AQR: variants seen among roughly 807,000 people sequenced by gnomAD.
The protein encoded by AQR is RNA helicase aquarius.
In AQR, 61 loss-of-function variants were observed where a neutral mutation model predicts 180.5. That is an observed-to-expected ratio of 0.34 (90% CI 0.28 to 0.42). The LOEUF (loss-of-function observed/expected upper bound fraction) is 0.42. AQR is among the 10% of genes least tolerant of loss of function. The probability of loss-of-function intolerance (pLI) is 1.00; values close to 1 mark genes in which losing one functional copy is unlikely to be tolerated. For synonymous variants in AQR, 551 were observed against 588.8 expected, an observed-to-expected ratio of 0.94 and a Z score of 0.93; for missense variants, 1,281 against 1,798.3, an observed-to-expected ratio of 0.71 and a Z score of 5.20.
chr15:34,906,788 C>T, intron 17 of AQR, 76 bp from the exon 18 acceptor site: 2 of 1,393,486 alleles, frequency 1.4e-6, no homozygotes, highest in South Asian at 1.4e-5. Context: ...TTCTTATTTG[C>T]CTCTCTACCT....
chr15:34,939,226 G>A (rs1366136284), intron 8 of AQR, among the ~76,000 whole-genome samples: 1 of 152,050 alleles, frequency 6.6e-6, no homozygotes, highest in Non-Finnish European at 1.5e-5. Context: ...CTGCCACCAT[G>A]CCTGGCTAAT....
chr15:34,937,075 T>A (rs1394844485), intron 9 of AQR, among the ~76,000 whole-genome samples: 1 of 152,132 alleles, frequency 6.6e-6, no homozygotes, highest in African/African-American at 2.4e-5. Context: ...TTTTGTTCTG[T>A]CACCCAGGCT....
At chr15:34,947,247 C>T (rs1179198259) in intron 5 of AQR, among the ~76,000 whole-genome samples, 1 of 151,704 alleles carries the variant, frequency 6.6e-6, no homozygotes, top group Admixed American at 6.6e-5. Context: ...GTGCTGTATC[C>T]ACTCAGGGTT....
At chr15:34,943,114 G>T (rs1894052184) in intron 6 of AQR, 1 of 1,611,724 alleles carries the variant, frequency 6.2e-7, no homozygotes, top group African/African-American at 1.3e-5. Context: ...CGGACTTTCT[G>T]TAAGAAGTGT....
At chr15:34,900,591 T>G in intron 20 of AQR, 31 bp downstream of exon 20, 2 of 1,600,610 alleles carry the variant, frequency 1.2e-6, no homozygotes, top group Non-Finnish European at 1.7e-6. Flanking sequence ...TACAGAATGC[T>G]GGAGAGGAGC....
At chr15:34,957,414 TAAA>T (rs1457116547) in intron 3 of AQR, among the ~76,000 whole-genome samples, 3 of 151,838 alleles carry the variant, frequency 2.0e-5, no homozygotes, top group Non-Finnish European at 4.4e-5. Context: ...TACTTGGAAA[TAAA>T]AAATGTAGGC....
intron 26 of AQR, 148 bp from the exon 27 acceptor site, chr15:34,882,787 T>C (rs1052913474): frequency 1.3e-6 from 1 of 768,928 alleles, no homozygotes; most frequent in East Asian, 3.1e-5. Context: ...TTCATTATGA[T>C]TTCGGTACTA....
intron 22 of AQR, among the ~76,000 whole-genome samples, chr15:34,896,190 T>C (rs1367980491): frequency 6.6e-6 from 1 of 152,212 alleles, no homozygotes; most frequent in East Asian, 1.9e-4. Flanking sequence ...CTGTTGCAAG[T>C]ACTGATCTCT....
At chr15:34,897,521 T>C (rs1347007777) in intron 21 of AQR, 38 bp downstream of exon 21, 2 of 1,607,088 alleles carry the variant, frequency 1.2e-6, no homozygotes, top group Admixed American at 1.7e-5. Context: ...TGGCAAACTA[T>C]TGTTCATCAT....
In AQR at chr15:34,853,502, G is replaced by A. The variant is rs1434822700; in HGVS notation, c.*3290C>T. On this transcript the variant is annotated 3_prime_UTR_variant, in exon 35 of 35. Transcript: ENST00000156471. ...TTTAATTTTGGCAGAGATCACTCTC[G>A]ATGTTATGATGTACTGATTCAGAGG... The A allele has an allele frequency of 1.3e-5, 2 of 152,054 alleles. No homozygotes were observed. The highest frequency in any genetic ancestry group is 2.4e-5 in the African/African-American group (1 of 41,378). The allele number at this position is 152,054 out of a possible 1,614,324, so 9.4% of individuals were successfully genotyped here.
At chr15:34,930,479 A>G (rs1460011986) in intron 11 of AQR, 108 bp from the exon 12 acceptor site, 5 of 599,262 alleles carry the variant, frequency 8.3e-6, no homozygotes, top group Non-Finnish European at 1.4e-5. Flanking sequence ...AGGTGCTGAA[A>G]AAACTCAGGA....
intron 4 of AQR, among the ~76,000 whole-genome samples, chr15:34,950,791 A>T (rs531862093): frequency 6.6e-6 from 1 of 152,174 alleles, no homozygotes; most frequent in Non-Finnish European, 1.5e-5. Flanking sequence ...CACCTTTACC[A>T]AGGTTTTATT....
intron 27 of AQR, 107 bp from the exon 28 acceptor site, chr15:34,876,113 T>A: frequency 1.3e-6 from 1 of 789,180 alleles, no homozygotes; most frequent in South Asian, 1.6e-5. Context: ...AAAAACGACA[T>A]ACAAATTATT....
rs760585692 is a variant in AQR at position 34,938,752 on chromosome 15, A to C, written c.703T>G (p.Ser235Ala). 6.2e-7 allele frequency: 1 copy of C among 1,604,976 alleles called. No individual in the cohort carries two copies. Among genetic ancestry groups the C allele is most frequent in the East Asian group, 2.2e-5 (1 of 44,738 alleles). Residue 235 changes from serine to alanine, a missense_variant, in exon 9 of 35, where the codon TCA becomes GCA. Physicochemically the swap from Ser to Ala is moderately conservative, Grantham distance 99 (BLOSUM62 1). Around this residue, in one of 9 missense-constraint regions of AQR, gnomAD observed 404 missense variants for 490.9 expected, o/e 0.82. Transcript: ENST00000156471. ...LIQKFISVLK[S>A]VPLSEPVTMD... The stretch of plus-strand genomic sequence containing the variant: ...AAGAAGATACCAGAAAGTGGGACTG[A>C]TTTCAGCACAGAGATAAACTTCTGG...
chr15:34,892,607 C>T lies in AQR; in HGVS notation c.2571+1056G>A, dbSNP rs73391762. On this transcript the variant is annotated intron_variant, in intron 23 of 34. Coordinates refer to ENST00000156471, the MANE Select transcript of AQR (RefSeq NM_014691.3). ...AAGAGTAGCTCAATAGCAGATACTC[C>T]TCAACTTACAATGGGGTTACATTCC... Among the ~76,000 whole-genome samples the T allele has an allele frequency of 1.2e-3, 177 of 152,240 alleles. 1 individual carries two copies. Among genetic ancestry groups the T allele is most frequent in the African/African-American group, 4.1e-3 (169 of 41,520 alleles).
rs1421516813 is a variant in AQR, at chr15:34,854,188, AAATACTTG to A, written c.*2596_*2603del. ...AAAAAAAAAAAGAAGAAGAAATTCT[AAATACTTG>A]AATTGCTTCATTTCATGCTCATTCT... On this transcript the variant is annotated 3_prime_UTR_variant, in exon 35 of 35. Transcript: ENST00000156471. The A allele has an allele frequency of 4.6e-5, 7 of 151,522 alleles. No individual in the cohort carries two copies. In the South Asian group the frequency reaches 1.3e-3, roughly 27 times the overall value. 9.4% of individuals were successfully genotyped at this position (151,522 alleles called of 1,614,324 possible).
chr15:34,883,775 T>G (rs1595785754), intron 26 of AQR, among the ~76,000 whole-genome samples: 1 of 152,228 alleles, frequency 6.6e-6, no homozygotes, highest in East Asian at 1.9e-4. Flanking sequence ...TTTGCAATGA[T>G]GATTCTGCAA....
chr15:34,853,671 T>C lies in AQR; in HGVS notation c.*3121A>G, dbSNP rs1030952449. On this transcript the variant is annotated 3_prime_UTR_variant, in exon 35 of 35. Transcript: ENST00000156471. ...AGGATTAGTTGGCAATATCCTACAT[T>C]GTCAACAAAGCTTTGAAGAAAAACA... 2 of 152,182 alleles carry C rather than the reference T, an allele frequency of 1.3e-5. No individual in the cohort carries two copies. Among genetic ancestry groups the C allele is most frequent in the Non-Finnish European group, 2.9e-5 (2 of 68,034 alleles). 9.4% of individuals were successfully genotyped at this position (152,182 alleles called of 1,614,324 possible).
intron 6 of AQR, chr15:34,942,941 A>G (rs1368684350): frequency 1.0e-6 from 1 of 961,798 alleles, no homozygotes; most frequent in Non-Finnish European, 1.5e-6. Context: ...TAAAACTATC[A>G]CCAAATTACT....
Sources: allele counts gnomAD v4.1 joint callset (sites outside exome capture counted in the v4.1 genomes callset), GRCh38; gene constraint gnomAD v4.1.1; regional missense constraint gnomAD v4.1.1; transcripts MANE v1.5; gene names NCBI Gene and HGNC (gene_info 2026-07-23, HGNC 2026-07-21).